The following PDE1C variants were observed in gnomAD, a reference collection of about 807,000 sequenced individuals.
PDE1C encodes dual specificity calcium/calmodulin-dependent 3',5'-cyclic nucleotide phosphodiesterase 1C.
In PDE1C, 62 loss-of-function variants were observed where a neutral mutation model predicts 93.1. That is an observed-to-expected ratio of 0.67 (90% confidence interval 0.54 to 0.82). The LOEUF (loss-of-function observed/expected upper bound fraction) is 0.82. Among genes scored for constraint, PDE1C ranks in the 40% least tolerant of loss-of-function variants. The pLI, the probability that PDE1C is intolerant of heterozygous loss-of-function variation, is 0.00. For synonymous variants in PDE1C, 325 were observed against 310.1 expected (o/e 1.05, Z -0.50); for missense variants, 742 against 884.6 (o/e 0.84, Z 2.04).
chr7:31,753,825 G>A (rs1794267452), intron 17 of PDE1C, among the ~76,000 whole-genome samples: 1 of 152,168 alleles, frequency 6.6e-6, no homozygotes, highest in African/African-American at 2.4e-5. Flanking sequence ...GAATGGATGG[G>A]GTTAAGGGAG....
At chr7:31,794,100 A>G (rs1162321374) in intron 16 of PDE1C, among the ~76,000 whole-genome samples, 4 of 147,196 alleles carry the variant, frequency 2.7e-5, no homozygotes, top group African/African-American at 1.0e-4. Flanking sequence ...AGATAGATAG[A>G]CAGATAGATG....
intron 11 of PDE1C, among the ~76,000 whole-genome samples, chr7:31,835,549 T>TGTGTGC (rs1357785294): frequency 1.3e-5 from 2 of 148,576 alleles, no homozygotes; most frequent in Admixed American, 6.8e-5. Context: ...TGTGTGTGTG[T>TGTGTGC]GTGTGTGCGT....
chr7:32,212,025 C>CAAAAAAAAAA (rs35827566), intron 1 of PDE1C, among the ~76,000 whole-genome samples: 4 of 81,266 alleles, frequency 4.9e-5, no homozygotes, highest in Admixed American at 1.5e-4. Context: ...GAACCTATCT[C>CAAAAAAAAAA]AAAAAAAAAA....
At chr7:31,908,900 A>G (rs1028864411) in intron 2 of PDE1C, among the ~76,000 whole-genome samples, 2 of 152,200 alleles carry the variant, frequency 1.3e-5, no homozygotes, top group Non-Finnish European at 1.5e-5. Context: ...AGATTGTGCT[A>G]CATAATCTGG....
rs1193147140 is a variant in PDE1C at position 32,142,272 on chromosome 7, G to T, written c.308+27513C>A. Among the ~76,000 whole-genome samples the T allele has an allele frequency of 2.6e-5, 4 of 152,246 alleles. No homozygotes were observed. The South Asian group carries it at 8.3e-4, about 32-fold the overall frequency. On this transcript the variant is annotated intron_variant, in intron 3 of 18. Coordinates refer to the PDE1C transcript ENST00000396193. Reference sequence around the variant, plus strand: ...GATAGAGGAAGGTACAAGGGCAAAGGCACTCAAGGAGGTTTTATTCTTGCT... The same window carrying T: ...GATAGAGGAAGGTACAAGGGCAAAGTCACTCAAGGAGGTTTTATTCTTGCT...
At chr7:32,308,243 C>T (rs1813068258) in intron 1 of PDE1C, among the ~76,000 whole-genome samples, 2 of 152,384 alleles carry the variant, frequency 1.3e-5, no homozygotes, top group East Asian at 1.9e-4. Context: ...GAAGCTCAAA[C>T]TGGGTGGAGC....
intron 1 of PDE1C, among the ~76,000 whole-genome samples, chr7:32,338,808 C>T (rs1295251796): frequency 6.6e-6 from 1 of 152,070 alleles, no homozygotes; most frequent in African/African-American, 2.4e-5. Context: ...TCGAGACCAT[C>T]CTGGCTAACA....
intron 1 of PDE1C, among the ~76,000 whole-genome samples, chr7:32,358,897 C>CTGTGTGTGTGTGTGTGTGTGTGTG (rs71559224): frequency 0.038 from 5,500 of 145,312 alleles, 171 homozygotes; most frequent in East Asian, 0.069. Context: ...GTGTGTGTGT[C>CTGTGTGTGTGTGTGTGTGTGTGTG]TGTGTGTGTG....
the PDE1C span, among the ~76,000 whole-genome samples, chr7:31,636,317 C>G: frequency 6.6e-6 from 1 of 152,186 alleles, no homozygotes; most frequent in Non-Finnish European, 1.5e-5. Flanking sequence ...ACATATCACT[C>G]TGTGCTAGTG....
chr7:32,333,485 A>G (rs1783552103), intron 1 of PDE1C, among the ~76,000 whole-genome samples: 3 of 152,208 alleles, frequency 2.0e-5, no homozygotes, highest in Admixed American at 2.0e-4. Context: ...TTATTTTATC[A>G]TCACACTTGG....
intron 6 of PDE1C, among the ~76,000 whole-genome samples, chr7:31,868,326 G>T (rs1342041021): frequency 1.3e-5 from 2 of 152,074 alleles, no homozygotes; most frequent in Admixed American, 1.3e-4. Context: ...GGATATTAAT[G>T]ATAAATTTAC....
rs114475339 is a variant in PDE1C at position 32,402,205 on chromosome 7, C to A, written c.310+25617G>T. On this transcript the variant is annotated intron_variant, in intron 1 of 1. Coordinates refer to the PDE1C transcript ENST00000672256. Reference sequence around the variant, plus strand: ...CTCCATACTCACTTGTATTAATCTGCGTTCCTCAGAGAAACAGAACCAGTA... The same window carrying A: ...CTCCATACTCACTTGTATTAATCTGAGTTCCTCAGAGAAACAGAACCAGTA... Among the ~76,000 whole-genome samples, 340 of 152,134 alleles carry A rather than the reference C, an allele frequency of 2.2e-3. 3 individuals are homozygous for A. The highest frequency in any genetic ancestry group is 7.8e-3 in the African/African-American group (323 of 41,516).
upstream of PDE1C, chr7:32,428,183 C>G (rs1251457896): frequency 6.6e-6 from 1 of 152,386 alleles, no homozygotes; most frequent in African/African-American, 2.4e-5. Context: ...CCCGAGGAAT[C>G]CACGGCCCTC....
At chr7:32,271,738 T>G (rs1810980349) in intron 1 of PDE1C, among the ~76,000 whole-genome samples, 1 of 152,134 alleles carries the variant, frequency 6.6e-6, no homozygotes, top group Non-Finnish European at 1.5e-5. Flanking sequence ...ATTATGATAA[T>G]AATAATAACA....
intron 14 of PDE1C, among the ~76,000 whole-genome samples, chr7:31,817,973 A>G (rs1289828936): frequency 1.3e-5 from 2 of 152,168 alleles, no homozygotes; most frequent in Non-Finnish European, 2.9e-5. Context: ...TGATCCATCC[A>G]TCCATCCAAA....
At chr7:32,298,562 C>T (rs1413964325) in intron 1 of PDE1C, 11 of 1,468,040 alleles carry the variant, frequency 7.5e-6, no homozygotes, top group Middle Eastern at 1.7e-4. Flanking sequence ...CCCCTGAGCT[C>T]CCCCTGCCCG....
At chr7:31,816,517 A>C (rs1404567735) in intron 14 of PDE1C, among the ~76,000 whole-genome samples, 1 of 152,152 alleles carries the variant, frequency 6.6e-6, no homozygotes. Context: ...TTTCATCCTC[A>C]AAACAACCTT....
chr7:31,618,573 G>C, the PDE1C span, among the ~76,000 whole-genome samples: 1 of 152,308 alleles, frequency 6.6e-6, no homozygotes, highest in South Asian at 2.1e-4. Flanking sequence ...GAAAGGCTTT[G>C]AAACCAAAAG....
At chr7:32,360,855 C>T (rs1364042371) in intron 1 of PDE1C, among the ~76,000 whole-genome samples, 1 of 152,104 alleles carries the variant, frequency 6.6e-6, no homozygotes, top group African/African-American at 2.4e-5. Context: ...AAGACAAAGG[C>T]AATAGAAACC....
Sources: gnomAD v4.1 joint callset for allele counts (sites outside exome capture counted in the v4.1 genomes callset) on GRCh38, gnomAD v4.1.1 for gene constraint, MANE v1.5 for transcripts, NCBI Gene and HGNC (gene_info 2026-07-23, HGNC 2026-07-21) for gene names.